Variants in EPS15 observed in about 807,000 individuals in gnomAD.
EPS15 encodes epidermal growth factor receptor substrate 15.
A neutral mutation model predicts 113.8 loss-of-function variants in EPS15; 72 were observed. That is an observed-to-expected ratio of 0.63 (90% confidence interval 0.52 to 0.77). The LOEUF is 0.77. Ranked by LOEUF, EPS15 falls within the 30% of genes least tolerant of loss-of-function variation. EPS15 has a pLI of 0.00. For synonymous variants in EPS15, 344 were observed against 363.4 expected, an observed-to-expected ratio of 0.95 and a Z score of 0.61; for missense variants, 1,048 against 1,045.8, an observed-to-expected ratio of 1.00 and a Z score of -0.03.
At chr1:51,504,786 C>T (rs74679861) in intron 1 of EPS15, among the ~76,000 whole-genome samples, 8,058 of 152,144 alleles carry the variant, frequency 0.053, 689 homozygotes, top group African/African-American at 0.18. Flanking sequence ...ATCCTCATCC[C>T]GGTACACTGC....
intron 8 of EPS15, chr1:51,457,709 G>C (rs1343884810): frequency 6.6e-6 from 1 of 151,904 alleles, no homozygotes; most frequent in African/African-American, 2.4e-5. Flanking sequence ...ATGAGACCAG[G>C]AGTGGAATTT....
chr1:51,392,228 A>T (rs908628755), intron 21 of EPS15, among the ~76,000 whole-genome samples: 1 of 152,196 alleles, frequency 6.6e-6, no homozygotes, highest in Non-Finnish European at 1.5e-5. Flanking sequence ...CCTTCTGAAA[A>T]CTGTTTCATC....
At chr1:51,467,358 AATAAC>A (rs1375595384) in intron 5 of EPS15, among the ~76,000 whole-genome samples, 1 of 152,252 alleles carries the variant, frequency 6.6e-6, no homozygotes, top group Non-Finnish European at 1.5e-5. Context: ...GCACATGCAA[AATAAC>A]ATATGTCCAA....
chr1:51,516,533 T>C (rs2148573266), intron 1 of EPS15, among the ~76,000 whole-genome samples: 1 of 152,316 alleles, frequency 6.6e-6, no homozygotes, highest in South Asian at 2.1e-4. Flanking sequence ...AGCTAGACTA[T>C]AATAATTTAG....
chr1:51,435,614 T>C (rs2148468348), intron 12 of EPS15, among the ~76,000 whole-genome samples: 1 of 152,336 alleles, frequency 6.6e-6, no homozygotes. Context: ...GTCTTGGAAA[T>C]ATTCTAATAT....
intron 5 of EPS15, among the ~76,000 whole-genome samples, chr1:51,467,964 T>C (rs76798334): frequency 0.019 from 2,835 of 151,886 alleles, 90 homozygotes; most frequent in African/African-American, 0.066. Flanking sequence ...TATTTATATA[T>C]ATATATTTTT....
At chr1:51,515,995 T>C (rs897358390) in intron 1 of EPS15, among the ~76,000 whole-genome samples, 5 of 152,204 alleles carry the variant, frequency 3.3e-5, no homozygotes, top group Non-Finnish European at 7.4e-5. Flanking sequence ...TAAAACTGAC[T>C]ATTGGAAACT....
At chr1:51,453,709 G>T (rs1426110590) in intron 8 of EPS15, among the ~76,000 whole-genome samples, 1 of 152,184 alleles carries the variant, frequency 6.6e-6, no homozygotes, top group African/African-American at 2.4e-5. Context: ...AGGAGGGAAA[G>T]AGGGGATTTA....
intron 1 of EPS15, among the ~76,000 whole-genome samples, chr1:51,512,390 G>A (rs1644636564): frequency 1.3e-5 from 2 of 152,240 alleles, no homozygotes; most frequent in Admixed American, 1.3e-4. Context: ...CTCTGCTCCT[G>A]AAGTTTAAAA....
chr1:51,360,003 C>A (rs1024157081), intron 24 of EPS15, among the ~76,000 whole-genome samples: 9 of 151,988 alleles, frequency 5.9e-5, no homozygotes, highest in Admixed American at 5.9e-4. Flanking sequence ...CCTCAGCCCC[C>A]CAAGTAGCTG....
intron 21 of EPS15, among the ~76,000 whole-genome samples, chr1:51,387,848 T>TA (rs1424448955): frequency 5.3e-4 from 80 of 152,310 alleles, no homozygotes; most frequent in African/African-American, 1.8e-3. Flanking sequence ...CAAAGAGACT[T>TA]AGACTCCCAC....
At chr1:51,405,462 C>A (rs781117196) in intron 16 of EPS15, among the ~76,000 whole-genome samples, 1 of 152,046 alleles carries the variant, frequency 6.6e-6, no homozygotes, top group Admixed American at 6.6e-5. Context: ...TTTGGGAGGC[C>A]GAGGCAGATG....
At chr1:51,489,158 CA>C (rs1404931667) in intron 1 of EPS15, among the ~76,000 whole-genome samples, 2 of 146,868 alleles carry the variant, frequency 1.4e-5, no homozygotes, top group African/African-American at 5.0e-5. Flanking sequence ...AAAAACAAAA[CA>C]AAAGGAGGAA....
chr1:51,507,777 G>T (rs541416571), intron 1 of EPS15, among the ~76,000 whole-genome samples: 2 of 152,046 alleles, frequency 1.3e-5, no homozygotes, highest in African/African-American at 4.8e-5. Context: ...AAAAAGAAAC[G>T]ATGTAAAAGA....
intron 2 of EPS15, among the ~76,000 whole-genome samples, chr1:51,478,075 C>A (rs146527071): frequency 6.6e-6 from 1 of 152,152 alleles, no homozygotes; most frequent in Non-Finnish European, 1.5e-5. Flanking sequence ...CCCATTATTA[C>A]TGTGTGGGAG....
At chr1:51,490,583 A>G (rs1189347813) in intron 1 of EPS15, among the ~76,000 whole-genome samples, 1 of 151,634 alleles carries the variant, frequency 6.6e-6, no homozygotes, top group Non-Finnish European at 1.5e-5. Context: ...AAAAAAAAAA[A>G]AACAGAAGTG....
intron 1 of EPS15, among the ~76,000 whole-genome samples, chr1:51,495,317 A>G (rs56317763): frequency 0.019 from 2,929 of 152,234 alleles, 45 homozygotes; most frequent in Non-Finnish European, 0.031. Context: ...AGAATGGATA[A>G]AACTGACAAA....
intron 19 of EPS15, among the ~76,000 whole-genome samples, chr1:51,400,556 G>C (rs770799517): frequency 4.0e-5 from 6 of 151,080 alleles, no homozygotes; most frequent in Non-Finnish European, 7.4e-5. Flanking sequence ...AATCAGTCAA[G>C]TATGCTGGCA....
At chr1:51,384,298 CTTTT>C (rs67265512) in intron 21 of EPS15, among the ~76,000 whole-genome samples, 2 of 99,526 alleles carry the variant, frequency 2.0e-5, no homozygotes, top group Non-Finnish European at 1.9e-5. Flanking sequence ...TTCTTTCTTT[CTTTT>C]TTTTTTTTTT....
Sources: allele counts gnomAD v4.1 joint callset (sites outside exome capture counted in the v4.1 genomes callset), GRCh38; gene constraint gnomAD v4.1.1; transcripts MANE v1.5; gene names NCBI Gene and HGNC (gene_info 2026-07-23, HGNC 2026-07-21).